Variants in ANO1 observed in about 807,000 individuals in gnomAD.
The protein encoded by ANO1 is anoctamin 1.
In ANO1, 59 loss-of-function variants were observed where a neutral mutation model predicts 124.0. That is an observed-to-expected ratio of 0.48 (90% confidence interval 0.39 to 0.59). ANO1 has a LOEUF of 0.59. Ranked by LOEUF, ANO1 falls within the 20% of genes least tolerant of loss-of-function variation. The pLI is 0.00. For synonymous variants in ANO1, 529 were observed against 532.0 expected (o/e 0.99, Z 0.08); for missense variants, 1,059 against 1,328.0 (o/e 0.80, Z 3.15).
intron 1 of ANO1, among the ~76,000 whole-genome samples, chr11:70,012,859 C>T (rs1555001332): frequency 1.3e-5 from 2 of 152,226 alleles, no homozygotes; most frequent in African/African-American, 4.8e-5. Flanking sequence ...TTTGCTTTTT[C>T]ATCCATCCAT....
At position 70,182,797 on chromosome 11, in the gene ANO1, G is replaced by C. The variant is rs138344614; in HGVS notation, c.2588+111G>C. On this transcript the variant is annotated intron_variant, in intron 24 of 25. Coordinates refer to ENST00000355303, the MANE Select transcript of ANO1 (RefSeq NM_018043.7). ...GCAAGTCATGAAACAACGCAAACTT[G>C]CTTAAAAAGAAGAAGAAGGAAAAAA... is the stretch of plus-strand genomic sequence containing the variant. 427 of 1,009,810 alleles carry C rather than the reference G, an allele frequency of 4.2e-4. 4 individuals carry two copies. The African/African-American group carries it at 6.4e-3, about 15-fold the overall frequency. The allele number at this position is 1,009,810 out of a possible 1,614,324, so 62.6% of individuals were successfully genotyped here.
rs147919590 is a variant in ANO1, at chr11:70,092,847, G to A, written c.441+4763G>A. Among the ~76,000 whole-genome samples the A allele has an allele frequency of 2.5e-4, 38 of 152,298 alleles. No individual in the cohort carries two copies. In the East Asian group the frequency reaches 6.4e-3, roughly 26 times the overall value. On this transcript the variant is annotated intron_variant, in intron 2 of 25. Coordinates refer to ENST00000355303, the MANE Select transcript of ANO1 (RefSeq NM_018043.7). Reference sequence around the variant, plus strand: ...GTCCCAAAGAGAGACCCAGGGGTGGGTCAAGAAGGCATGGGCACTCAGATC... The same window carrying A: ...GTCCCAAAGAGAGACCCAGGGGTGGATCAAGAAGGCATGGGCACTCAGATC...
At chr11:70,015,082 G>T (rs1170921357) in intron 1 of ANO1, 1 of 151,928 alleles carries the variant, frequency 6.6e-6, no homozygotes, top group African/African-American at 2.4e-5. Flanking sequence ...TTGTGCCCAG[G>T]GCTCGGCAGG....
chr11:69,995,634 T>C (rs1426225267), intron 1 of ANO1, among the ~76,000 whole-genome samples: 1 of 152,180 alleles, frequency 6.6e-6, no homozygotes, highest in East Asian at 1.9e-4. Flanking sequence ...TGGAACTTTC[T>C]TCTCATTATT....
intron 1 of ANO1, among the ~76,000 whole-genome samples, chr11:70,028,528 C>T (rs1856948178): frequency 6.6e-6 from 1 of 151,874 alleles, no homozygotes; most frequent in Non-Finnish European, 1.5e-5. Flanking sequence ...AATTGATGGT[C>T]TCTCCTGGAC....
chr11:70,069,169 T>C (rs985146063), intron 1 of ANO1, among the ~76,000 whole-genome samples: 4 of 152,296 alleles, frequency 2.6e-5, no homozygotes, highest in African/African-American at 9.6e-5. Context: ...TGGGAAAGAA[T>C]TGGAAGCCCC....
intron 1 of ANO1, among the ~76,000 whole-genome samples, chr11:69,991,495 G>A (rs1010618107): frequency 6.6e-6 from 1 of 152,218 alleles, no homozygotes; most frequent in Non-Finnish European, 1.5e-5. Context: ...AAGGCTGGAG[G>A]AAGCATAGCC....
intron 1 of ANO1, among the ~76,000 whole-genome samples, chr11:70,051,254 C>A (rs139248726): frequency 1.0e-3 from 159 of 152,328 alleles, no homozygotes; most frequent in African/African-American, 3.7e-3. Context: ...CAAGCTTTTG[C>A]TCTAACCTCA....
chr11:70,019,143 C>T (rs1460930470), intron 1 of ANO1, among the ~76,000 whole-genome samples: 1 of 152,118 alleles, frequency 6.6e-6, no homozygotes, highest in African/African-American at 2.4e-5. Context: ...TGTTCTGAGC[C>T]AGACCTAAGC....
intron 1 of ANO1, among the ~76,000 whole-genome samples, chr11:70,014,439 C>G (rs1555001605): frequency 2.0e-5 from 3 of 152,166 alleles, no homozygotes; most frequent in South Asian, 4.1e-4. Context: ...TCCCGCAAGC[C>G]CTCTGCTCCC....
intron 7 of ANO1, among the ~76,000 whole-genome samples, chr11:70,113,454 T>C (rs1276485118): frequency 6.7e-6 from 1 of 150,046 alleles, no homozygotes; most frequent in Non-Finnish European, 1.5e-5. Context: ...CCTGAAGCCC[T>C]GAGTCTGGAG....
chr11:70,034,692 A>T (rs1857063851), intron 1 of ANO1, among the ~76,000 whole-genome samples: 1 of 152,154 alleles, frequency 6.6e-6, no homozygotes. Context: ...TCAGAAGGAG[A>T]AAATCCCTGT....
At chr11:70,044,983 A>G (rs565693906) in intron 1 of ANO1, among the ~76,000 whole-genome samples, 4 of 152,350 alleles carry the variant, frequency 2.6e-5, no homozygotes, top group Admixed American at 1.3e-4. Context: ...AATATTCAGT[A>G]AAGTATGTAG....
At chr11:70,001,825 T>C (rs1856387587) in intron 1 of ANO1, among the ~76,000 whole-genome samples, 1 of 152,026 alleles carries the variant, frequency 6.6e-6, no homozygotes, top group Non-Finnish European at 1.5e-5. Flanking sequence ...TTGAGACAGA[T>C]TCTCACTCTT....
intron 12 of ANO1, among the ~76,000 whole-genome samples, chr11:70,150,662 G>A (rs1301812887): frequency 6.6e-6 from 1 of 152,052 alleles, no homozygotes; most frequent in Non-Finnish European, 1.5e-5. Flanking sequence ...AGCCTCCCAA[G>A]TAGCTGGGGC....
At position 70,149,796 on chromosome 11, in the gene ANO1, A is replaced by C; in HGVS notation, c.1341+4A>C. 6.2e-7 allele frequency: 1 copy of C among 1,613,418 alleles called. No individual in the cohort carries two copies. Among genetic ancestry groups the C allele is most frequent in the Non-Finnish European group, 8.5e-7 (1 of 1,179,696 alleles). On this transcript the variant is annotated splice_donor_region_variant and intron_variant, in intron 12 of 25. Transcript: ENST00000355303. ...CACGGGCTTTGAAGAGGAAGAGGTC[A>C]GTGGGTTTGCCGCCGTGCATATCAC...
rs533528900 is a variant in ANO1 at position 70,048,648 on chromosome 11, C to T, written c.59-29894C>T. ...GTCTCAGTTTCTCTCTCTCTGTCTT[C>T]CCACACTTCCCGCCCTCCTCCCCTT... On this transcript the variant is annotated intron_variant, in intron 1 of 27. Coordinates refer to the ANO1 transcript ENST00000531349. Among the ~76,000 whole-genome samples the T allele has an allele frequency of 6.6e-5, 10 of 151,264 alleles. No individual in the cohort carries two copies. In the South Asian group the frequency reaches 2.1e-3, roughly 32 times the overall value.
intron 1 of ANO1, among the ~76,000 whole-genome samples, chr11:70,034,496 G>A (rs1003057855): frequency 8.5e-5 from 13 of 152,152 alleles, no homozygotes; most frequent in Non-Finnish European, 1.3e-4. Context: ...CATGATCAAA[G>A]CAAAGTATGT....
chr11:70,036,848 C>G (rs1555004476), intron 1 of ANO1, among the ~76,000 whole-genome samples: 1 of 152,210 alleles, frequency 6.6e-6, no homozygotes, highest in African/African-American at 2.4e-5. Flanking sequence ...ACCTCGTGAT[C>G]TGCCCGCCTC....
Sources: gnomAD v4.1 joint callset for allele counts (sites outside exome capture counted in the v4.1 genomes callset) on GRCh38, gnomAD v4.1.1 for gene constraint, MANE v1.5 for transcripts, NCBI Gene and HGNC (gene_info 2026-07-23, HGNC 2026-07-21) for gene names.